Variants in ZZEF1 observed in about 807,000 individuals in gnomAD.
The protein encoded by ZZEF1 is zinc finger ZZ-type and EF-hand domain containing 1, also known as zinc finger ZZ-type and EF-hand domain-containing protein 1.
A neutral mutation model predicts 342.8 loss-of-function variants in ZZEF1; 157 were observed. That is an observed-to-expected ratio of 0.46 (90% confidence interval 0.40 to 0.52). ZZEF1 has a LOEUF of 0.52. Among genes scored for constraint, ZZEF1 ranks in the 20% least tolerant of loss-of-function variants. The pLI is 0.00. For synonymous variants in ZZEF1, 1,505 were observed against 1,429.1 expected, an observed-to-expected ratio of 1.05 and a Z score of -1.20; for missense variants, 3,480 against 3,725.6, an observed-to-expected ratio of 0.93 and a Z score of 1.72.
chr17:4,070,861 C>T lies in ZZEF1; in HGVS notation c.3898G>A (p.Ala1300Thr), dbSNP rs772857188. The T allele has an allele frequency of 2.5e-6, 4 of 1,614,126 alleles. No individual in the cohort carries two copies. The highest frequency in any genetic ancestry group is 2.5e-6 in the Non-Finnish European group (3 of 1,180,040). The change falls in exon 26 of 55, where the codon GCT becomes ACT. Residue 1300 changes from alanine to threonine, a missense_variant. By Grantham distance (58) the Ala-to-Thr change is moderately conservative. Coordinates refer to ENST00000381638, the MANE Select transcript of ZZEF1 (RefSeq NM_015113.4). ...FLLDFAQSEP[A>T]QNFCGPYSEL... is the part of the protein sequence containing the mutation. The stretch of plus-strand genomic sequence containing the variant: ...GAATATGGCCCACAGAAGTTCTGAG[C>T]AGGCTCTGACTGGGCAAAATCAAGA...
intron 6 of ZZEF1, among the ~76,000 whole-genome samples, chr17:4,106,034 C>T (rs1420688346): frequency 6.6e-6 from 1 of 152,040 alleles, no homozygotes; most frequent in Non-Finnish European, 1.5e-5. Flanking sequence ...ACTGCAACCT[C>T]CACCTCCCAG....
chr17:4,102,381 A>G lies in ZZEF1; in HGVS notation c.1608T>C (p.Asp536=), dbSNP rs188638594. ...CAGACTTATCTTCTTTTCCTTTGACATCACATGCCTGAAGAGTCAACTGGA... is the reference window on the plus strand; with the variant it reads ...CAGACTTATCTTCTTTTCCTTTGACGTCACATGCCTGAAGAGTCAACTGGA... ...KPLQLTLQAC[D]VKGKEDKSGP... The change falls in exon 9 of 55, where the codon GAT becomes GAC. Residue 536 remains aspartate (D), a synonymous_variant. Transcript: ENST00000381638. The G allele has an allele frequency of 3.7e-5, 60 of 1,613,836 alleles. No individual in the cohort carries two copies. Among genetic ancestry groups the G allele is most frequent in the Non-Finnish European group, 4.8e-5 (57 of 1,179,758 alleles).
intron 6 of ZZEF1, among the ~76,000 whole-genome samples, chr17:4,106,477 A>AG (rs981076144): frequency 4.7e-5 from 5 of 105,622 alleles, no homozygotes; most frequent in Non-Finnish European, 2.4e-5. Context: ...CAGCAGCAAC[A>AG]GGGAAAAAAA....
chr17:4,123,819 G>A (rs751911218), intron 2 of ZZEF1, 88 bp downstream of exon 2: 106 of 1,474,580 alleles, frequency 7.2e-5, no homozygotes, highest in Non-Finnish European at 9.6e-5. Context: ...GGAGTTTACT[G>A]CATGTGGCCA....
At chr17:4,047,981 TA>T (rs984880339) in intron 37 of ZZEF1, among the ~76,000 whole-genome samples, 4 of 151,636 alleles carry the variant, frequency 2.6e-5, no homozygotes, top group African/African-American at 4.9e-5. Context: ...TCCATTGAAT[TA>T]AAAAAAACCC....
chr17:4,053,729 G>A (rs983323021), intron 34 of ZZEF1, among the ~76,000 whole-genome samples: 11 of 152,318 alleles, frequency 7.2e-5, no homozygotes, highest in East Asian at 3.9e-4. Flanking sequence ...GTATGTGTGC[G>A]TGTGTATTTT....
intron 24 of ZZEF1, among the ~76,000 whole-genome samples, chr17:4,073,802 TCA>T (rs1366954601): frequency 2.6e-5 from 4 of 152,152 alleles, no homozygotes; most frequent in Admixed American, 6.5e-5. Context: ...ACATAAATAT[TCA>T]CATATTTAAA....
intron 2 of ZZEF1, among the ~76,000 whole-genome samples, chr17:4,122,915 C>A (rs1244115698): frequency 8.6e-6 from 1 of 116,150 alleles, no homozygotes; most frequent in Admixed American, 1.3e-4. Context: ...TTGTTATTGA[C>A]CTCTTCCTTT....
chr17:4,085,855 A>G (rs1478212075), intron 15 of ZZEF1, 52 bp from the exon 16 acceptor site: 2 of 1,603,910 alleles, frequency 1.2e-6, no homozygotes, highest in Non-Finnish European at 8.5e-7. Context: ...CTATTCGCTT[A>G]TACATCTGCT....
intron 16 of ZZEF1, among the ~76,000 whole-genome samples, chr17:4,083,699 G>A (rs769919240): frequency 3.4e-5 from 5 of 147,372 alleles, no homozygotes; most frequent in Non-Finnish European, 5.9e-5. Flanking sequence ...GTGCAGTGGC[G>A]TGATCTCCGC....
intron 5 of ZZEF1, among the ~76,000 whole-genome samples, chr17:4,110,432 C>G (rs925499159): frequency 6.6e-6 from 1 of 152,216 alleles, no homozygotes; most frequent in African/African-American, 2.4e-5. Flanking sequence ...TTCTAACCCA[C>G]AGGCCTAACT....
Position 4,105,740 on chromosome 17 carries a change from G to T in ZZEF1, c.1347C>A (p.Ser449=), listed in dbSNP as rs1009143218. 6.2e-6 allele frequency: 10 copies of T among 1,613,238 alleles called. No individual in the cohort carries two copies. The highest frequency in any genetic ancestry group is 8.5e-6 in the Non-Finnish European group (10 of 1,179,758). Reference sequence around the variant, plus strand: ...TGTCCACTTCTTCCAGCACATTAGGGGAGAGGAAAGTTGAGAAATCTGTAG... The same window carrying T: ...TGTCCACTTCTTCCAGCACATTAGGTGAGAGGAAAGTTGAGAAATCTGTAG... ...PGSTDFSTFL[S]PNVLEEVDSF... is the part of the protein sequence containing the mutation. The change falls in exon 7 of 55, where the codon TCC becomes TCA. Residue 449 remains serine, a synonymous_variant. Transcript: ENST00000381638.
rs62071003 is a variant in ZZEF1, at chr17:4,100,631, C to G, written c.1672+1686G>C. On this transcript the variant is annotated intron_variant, in intron 9 of 54. Transcript: ENST00000381638. ...ACGGTGGCTCACGAGGTCAGGAGAT[C>G]GAGACCATCCTGGCTAACGTGGTGA... Among the ~76,000 whole-genome samples the G allele has an allele frequency of 7.4e-3, 1,131 of 152,230 alleles. 8 individuals are homozygous for G. Among genetic ancestry groups the G allele is most frequent in the Non-Finnish European group, 0.013 (892 of 68,018 alleles).
At chr17:4,062,508 G>A (rs2057306392) in intron 30 of ZZEF1, among the ~76,000 whole-genome samples, 1 of 152,038 alleles carries the variant, frequency 6.6e-6, no homozygotes, top group Non-Finnish European at 1.5e-5. Flanking sequence ...AGTATATGAG[G>A]AATGCAATTC....
intron 26 of ZZEF1, 86 bp from the exon 27 acceptor site, chr17:4,067,328 G>C (rs1277587312): frequency 9.4e-7 from 1 of 1,064,266 alleles, no homozygotes. Flanking sequence ...TAAATCTGCT[G>C]AAGTACAGGA....
chr17:4,070,932 C>CAA lies in ZZEF1; in HGVS notation c.3835-10_3835-9dup. 1 of 1,602,968 alleles carries CAA rather than the reference C, an allele frequency of 6.2e-7. No homozygotes were observed. Among genetic ancestry groups the CAA allele is most frequent in the East Asian group, 2.2e-5 (1 of 44,758 alleles). On this transcript the variant is annotated splice_polypyrimidine_tract_variant and intron_variant, in intron 25 of 54. Transcript: ENST00000381638. ...GTCAGGAATGTTCTTAACCTGGAAA[C>CAA]AAAAAATAAACCCATCACATTTAAC...
Position 4,066,460 on chromosome 17 carries a change from G to A in ZZEF1, c.4236C>T (p.Asn1412=), listed in dbSNP as rs570235767. Residue 1412 remains asparagine (N), a synonymous_variant, in exon 28 of 55, where the codon AAC becomes AAT. Transcript: ENST00000381638. ...EKHSSEATEV[N]PESLAKECIE... The stretch of plus-strand genomic sequence containing the variant: ...TAGCACACTCACCCAGGCTCTCAGG[G>A]TTCACCTCAGTAGCTTCTGAACTAT... 3 of 1,614,092 alleles carry A rather than the reference G, an allele frequency of 1.9e-6. No homozygotes were observed. Among genetic ancestry groups the A allele is most frequent in the Admixed American group, 1.7e-5 (1 of 60,012 alleles).
chr17:4,123,238 C>T (rs186509399), intron 2 of ZZEF1, among the ~76,000 whole-genome samples: 6 of 130,200 alleles, frequency 4.6e-5, no homozygotes, highest in East Asian at 4.4e-4. Context: ...TCTTATTATG[C>T]CTAATTTATA....
chr17:4,109,684 C>T lies in ZZEF1; in HGVS notation c.1246G>A (p.Ala416Thr), dbSNP rs746984397. The T allele has an allele frequency of 1.7e-5, 28 of 1,613,948 alleles. No homozygotes were observed. The highest frequency in any genetic ancestry group is 2.2e-5 in the East Asian group (1 of 44,894). The change falls in exon 6 of 55, where the codon GCC becomes ACC. Residue 416 changes from alanine to threonine, a missense_variant. By Grantham distance (58) the Ala-to-Thr change is moderately conservative (BLOSUM62 0). Coordinates refer to ENST00000381638, the MANE Select transcript of ZZEF1 (RefSeq NM_015113.4). The stretch of plus-strand genomic sequence containing the variant: ...TTGTGCAGCACTGTCTGGACAAAGG[C>T]GGGATTTGTCTCCATAGAAGCCGTC... ...LVTASMETNP[A>T]FVQTVLHNTQ...
Sources: allele counts gnomAD v4.1 joint callset (sites outside exome capture counted in the v4.1 genomes callset), GRCh38; gene constraint gnomAD v4.1.1; transcripts MANE v1.5; gene names NCBI Gene and HGNC (gene_info 2026-07-23, HGNC 2026-07-21).